The following COLGALT2 variants were observed in gnomAD, a reference collection of about 807,000 sequenced individuals.
The protein encoded by COLGALT2 is procollagen galactosyltransferase 2.
COLGALT2 carries 49 observed loss-of-function variants against 73.4 expected under a neutral mutation model. That is an observed-to-expected ratio of 0.67 (90% CI 0.53 to 0.85). The LOEUF (loss-of-function observed/expected upper bound fraction) is 0.85. Ranked by LOEUF, COLGALT2 falls within the 40% of genes least tolerant of loss-of-function variation. The pLI, the probability that COLGALT2 is intolerant of heterozygous loss-of-function variation, is 0.00. For synonymous variants in COLGALT2, 295 were observed against 307.6 expected (o/e 0.96, Z 0.43); for missense variants, 722 against 790.2 (o/e 0.91, Z 1.03).
chr1:183,940,729 CCACATTGGG>C lies in COLGALT2; in HGVS notation c.1447_1455del (p.Pro483_Val485del), dbSNP rs963549015. On this transcript the variant is annotated inframe_deletion, in exon 11 of 12. Transcript: ENST00000361927. ...GAATAGTCGGCTTCGACCAGGTTTG[CCACATTGGG>C]CACTGCTTTCTCTGGCTCCTTTACT... 1.2e-6 allele frequency: 2 copies of C among 1,614,222 alleles called. No homozygotes were observed. The highest frequency in any genetic ancestry group is 1.7e-6 in the Non-Finnish European group (2 of 1,180,038).
intron 1 of COLGALT2, among the ~76,000 whole-genome samples, chr1:184,021,666 G>A (rs978552292): frequency 5.9e-5 from 9 of 152,114 alleles, no homozygotes; most frequent in African/African-American, 2.2e-4. Flanking sequence ...TATTATAGCA[G>A]CACAAAACAG....
At chr1:183,969,179 GT>G (rs10667502) in intron 5 of COLGALT2, 89 bp downstream of exon 5, 4,418 of 1,021,426 alleles carry the variant, frequency 4.3e-3, no homozygotes, top group Non-Finnish European at 4.8e-3. Context: ...ACATATGAGG[GT>G]TTTTTTTTTT....
intron 11 of COLGALT2, among the ~76,000 whole-genome samples, chr1:183,939,827 T>C (rs1268573344): frequency 6.6e-6 from 1 of 152,152 alleles, no homozygotes; most frequent in Non-Finnish European, 1.5e-5. Flanking sequence ...CATCAATGAA[T>C]TTAGGAATCA....
chr1:183,958,850 A>G (rs35542843), intron 6 of COLGALT2, among the ~76,000 whole-genome samples: 1,550 of 151,624 alleles, frequency 0.01, 12 homozygotes, highest in Non-Finnish European at 0.016. Context: ...ATACTGTTAT[A>G]TTTCTATTTT....
intron 8 of COLGALT2, among the ~76,000 whole-genome samples, chr1:183,950,040 T>C (rs1299252372): frequency 6.6e-6 from 1 of 152,176 alleles, no homozygotes. Context: ...TTCAGATAAA[T>C]AATGGATAAT....
intron 1 of COLGALT2, among the ~76,000 whole-genome samples, chr1:183,998,728 T>C (rs1008577604): frequency 4.6e-5 from 7 of 152,128 alleles, no homozygotes; most frequent in African/African-American, 1.7e-4. Context: ...TATTTTGGCC[T>C]TCCTTAATGT....
downstream of COLGALT2, among the ~76,000 whole-genome samples, chr1:183,934,958 A>G (rs949615300): frequency 6.6e-6 from 1 of 152,228 alleles, no homozygotes; most frequent in Non-Finnish European, 1.5e-5. Flanking sequence ...AGAGGGAGGC[A>G]GCCAACTTGC....
exon 12 of COLGALT2, chr1:183,930,162 G>A (rs920709628): frequency 1.8e-5 from 8 of 455,726 alleles, no homozygotes; most frequent in African/African-American, 1.0e-4. Context: ...AAACCTGGAG[G>A]AGTTGATGAA....
downstream of COLGALT2, among the ~76,000 whole-genome samples, chr1:183,932,993 A>G (rs1669877927): frequency 6.6e-6 from 1 of 152,150 alleles, no homozygotes; most frequent in South Asian, 2.1e-4. Flanking sequence ...GACAATGGAG[A>G]TGCTTGATTG....
downstream of COLGALT2, among the ~76,000 whole-genome samples, chr1:183,934,000 C>T (rs942952636): frequency 6.6e-6 from 1 of 152,182 alleles, no homozygotes; most frequent in Non-Finnish European, 1.5e-5. Flanking sequence ...GGCTACTGAA[C>T]AAAGATCAGC....
intron 8 of COLGALT2, among the ~76,000 whole-genome samples, chr1:183,947,067 A>G (rs971170444): frequency 1.3e-5 from 2 of 152,202 alleles, no homozygotes; most frequent in African/African-American, 4.8e-5. Flanking sequence ...AGGCATAACA[A>G]TTATAAATAC....
chr1:183,961,455 C>T (rs74130429), intron 6 of COLGALT2, among the ~76,000 whole-genome samples: 2,059 of 152,100 alleles, frequency 0.014, 41 homozygotes, highest in African/African-American at 0.046. Flanking sequence ...GAGTCGAGAC[C>T]GAGAGCCATG....
intron 4 of COLGALT2, among the ~76,000 whole-genome samples, chr1:183,971,209 G>A (rs1160437056): frequency 2.6e-5 from 4 of 152,140 alleles, no homozygotes; most frequent in Non-Finnish European, 1.5e-5. Flanking sequence ...ATTTTGTTTT[G>A]AATGAGTTTA....
intron 6 of COLGALT2, among the ~76,000 whole-genome samples, chr1:183,958,557 A>C (rs1326316345): frequency 1.3e-5 from 2 of 151,940 alleles, no homozygotes. Flanking sequence ...TGTCTAGCTC[A>C]TGACTGACTG....
chr1:183,945,863 T>C, intron 8 of COLGALT2: 2 of 347,104 alleles, frequency 5.8e-6, no homozygotes, highest in Non-Finnish European at 1.1e-5. Flanking sequence ...TTAGTTAAAG[T>C]ACTGCAATAA....
At chr1:183,951,426 A>G (rs1030493721) in intron 7 of COLGALT2, among the ~76,000 whole-genome samples, 2 of 152,224 alleles carry the variant, frequency 1.3e-5, no homozygotes, top group African/African-American at 4.8e-5. Context: ...GTCAAAGGAC[A>G]ATACGATCCT....
chr1:183,969,480 AAG>A lies in COLGALT2; in HGVS notation c.628-9_628-8del, dbSNP rs1189907497. 20 of 1,599,754 alleles carry A rather than the reference AAG, an allele frequency of 1.3e-5. No homozygotes were observed. Among genetic ancestry groups the A allele is most frequent in the Non-Finnish European group, 1.7e-5 (20 of 1,172,952 alleles). Reference sequence around the variant, plus strand: ...GGGTCCTCTTATAGAAGCCCTGTAAAAGAGCAAATAGGTGGGTTGTGTTTTCT... The same window carrying A: ...GGGTCCTCTTATAGAAGCCCTGTAAAAGCAAATAGGTGGGTTGTGTTTTCT... On this transcript the variant is annotated splice_region_variant and splice_polypyrimidine_tract_variant and intron_variant, in intron 4 of 11. Coordinates refer to ENST00000361927, the MANE Select transcript of COLGALT2 (RefSeq NM_015101.4).
chr1:183,994,956 G>A (rs1034465414), intron 1 of COLGALT2, among the ~76,000 whole-genome samples: 5 of 152,174 alleles, frequency 3.3e-5, no homozygotes, highest in Admixed American at 2.0e-4. Context: ...TCCAGAAGGC[G>A]GTATGGTGAA....
chr1:183,935,291 G>A (rs778105113), downstream of COLGALT2, among the ~76,000 whole-genome samples: 1 of 152,188 alleles, frequency 6.6e-6, no homozygotes, highest in Non-Finnish European at 1.5e-5. Flanking sequence ...TTGGACTGCG[G>A]GCCCCACACA....
Sources: gnomAD v4.1 joint callset for allele counts (sites outside exome capture counted in the v4.1 genomes callset) on GRCh38, gnomAD v4.1.1 for gene constraint, MANE v1.5 for transcripts, NCBI Gene and HGNC (gene_info 2026-07-23, HGNC 2026-07-21) for gene names.